RBM25: variants seen among roughly 807,000 people sequenced by gnomAD.
RBM25 encodes the protein RNA-binding protein 25.
Under a neutral mutation model 120.7 loss-of-function variants are expected in RBM25, and 19 were observed. That is an observed-to-expected ratio of 0.16 (90% CI 0.11 to 0.23). The LOEUF (loss-of-function observed/expected upper bound fraction) is 0.23, where lower values mean the gene tolerates loss of function less well. RBM25 is among the 10% of genes least tolerant of loss of function. RBM25 has a pLI of 1.00. For synonymous variants in RBM25, 390 were observed against 326.7 expected (o/e 1.19, Z -2.09); for missense variants, 605 against 1,041.5 (o/e 0.58, Z 5.77).
At chr14:73,109,272 T>C in intron 13 of RBM25, 70 bp from the exon 14 acceptor site, 1 of 1,498,026 alleles carries the variant, frequency 6.7e-7, no homozygotes, top group Non-Finnish European at 9.1e-7. Flanking sequence ...AGAGGTGCTG[T>C]TGGAGATGTC....
intron 4 of RBM25, among the ~76,000 whole-genome samples, chr14:73,080,006 GC>G (rs1671051471): frequency 1.3e-5 from 2 of 150,044 alleles, no homozygotes; most frequent in East Asian, 3.9e-4. Flanking sequence ...GCTCCTGTCT[GC>G]TTCTGGAAGT....
intron 4 of RBM25, among the ~76,000 whole-genome samples, chr14:73,081,886 T>G (rs556720593): frequency 3.1e-4 from 47 of 152,208 alleles, no homozygotes; most frequent in Admixed American, 1.2e-3. Flanking sequence ...TTTGACTGAT[T>G]GGAGGTTTTA....
chr14:73,116,838 T>C (rs965074253), intron 18 of RBM25, among the ~76,000 whole-genome samples: 1 of 152,204 alleles, frequency 6.6e-6, no homozygotes, highest in African/African-American at 2.4e-5. Context: ...GGCTCGTTGA[T>C]TAGAATGAGA....
intron 16 of RBM25, 77 bp downstream of exon 16, chr14:73,111,879 AAAC>A (rs1896316363): frequency 1.4e-6 from 2 of 1,457,068 alleles, no homozygotes; most frequent in African/African-American, 1.4e-5. Context: ...GAAGAAAAAA[AAAC>A]CTCATTTGAT....
At chr14:73,080,095 A>G (rs1895522233) in intron 4 of RBM25, among the ~76,000 whole-genome samples, 1 of 150,162 alleles carries the variant, frequency 6.7e-6, no homozygotes, top group South Asian at 2.1e-4. Context: ...AAATTCTCAT[A>G]GAAGTGCCGT....
intron 10 of RBM25, among the ~76,000 whole-genome samples, chr14:73,105,340 A>G (rs1896162247): frequency 6.6e-6 from 1 of 152,034 alleles, no homozygotes; most frequent in African/African-American, 2.4e-5. Context: ...TCTTAATTAA[A>G]TATTTGAGAA....
rs1288251681 is a variant in RBM25, at chr14:73,071,615, T to A, written c.-15-12T>A. On this transcript the variant is annotated splice_polypyrimidine_tract_variant and intron_variant, in intron 1 of 18. Coordinates refer to ENST00000261973, the MANE Select transcript of RBM25 (RefSeq NM_021239.3). ...TCAAATAAAATGATTTGTCATGTCCTTTTTTCTTTAGACTGCTGCAGTAAG... is the reference window on the plus strand; with the variant it reads ...TCAAATAAAATGATTTGTCATGTCCATTTTTCTTTAGACTGCTGCAGTAAG... 3.9e-6 allele frequency: 6 copies of A among 1,547,916 alleles called. No homozygotes were observed. Among genetic ancestry groups the A allele is most frequent in the Non-Finnish European group, 5.4e-6 (6 of 1,121,472 alleles).
intron 18 of RBM25, among the ~76,000 whole-genome samples, chr14:73,118,382 G>A (rs1896477432): frequency 6.6e-6 from 1 of 151,888 alleles, no homozygotes. Context: ...TGAGGCTGAT[G>A]TGGGAGTATC....
Position 73,119,707 on chromosome 14 carries a change from C to G in RBM25, c.2440-6C>G. ...TACATGTGTTGCTGTTTTGTTTCCTCTTTAGGTACTTGATGAAGAAGCAGA... is the reference window on the plus strand; with the variant it reads ...TACATGTGTTGCTGTTTTGTTTCCTGTTTAGGTACTTGATGAAGAAGCAGA... On this transcript the variant is annotated splice_region_variant and splice_polypyrimidine_tract_variant and intron_variant, in intron 18 of 18. Coordinates refer to ENST00000261973, the MANE Select transcript of RBM25 (RefSeq NM_021239.3). The G allele has an allele frequency of 1.2e-6, 2 of 1,611,450 alleles. No individual in the cohort carries two copies. The highest frequency in any genetic ancestry group is 1.7e-6 in the Non-Finnish European group (2 of 1,179,358).
At chr14:73,116,404 A>G (rs1381266188) in intron 18 of RBM25, among the ~76,000 whole-genome samples, 2 of 152,230 alleles carry the variant, frequency 1.3e-5, no homozygotes, top group Admixed American at 1.3e-4. Context: ...TTTATAGTCA[A>G]AAAGAAGGAT....
chr14:73,100,533 T>A (rs142048368), intron 9 of RBM25: 1 of 448,320 alleles, frequency 2.2e-6, no homozygotes, highest in Non-Finnish European at 4.0e-6. Flanking sequence ...TTCGCTGGTG[T>A]TGAAAATGAT....
intron 5 of RBM25, among the ~76,000 whole-genome samples, chr14:73,084,920 A>G (rs1169810768): frequency 3.3e-5 from 5 of 151,998 alleles, no homozygotes; most frequent in Non-Finnish European, 2.9e-5. Context: ...GTATTCTTCC[A>G]TCAGGGAACA....
intron 15 of RBM25, 96 bp from the exon 16 acceptor site, chr14:73,111,432 G>T: frequency 7.7e-7 from 1 of 1,292,782 alleles, no homozygotes. Context: ...TAAGATTTGT[G>T]GAAGTATATT....
rs1385012690 is a variant in RBM25 at position 73,122,344 on chromosome 14, C to G, written c.*2539C>G. On this transcript the variant is annotated 3_prime_UTR_variant, in exon 19 of 19. Coordinates refer to ENST00000261973, the MANE Select transcript of RBM25 (RefSeq NM_021239.3). ...AGGATGGAGTGCAATGGCGCGAGCT[C>G]AGCTCACTTCAACTTCCGCCTCCCG... The G allele has an allele frequency of 1.3e-5, 2 of 151,148 alleles. No homozygotes were observed. Among genetic ancestry groups the G allele is most frequent in the Non-Finnish European group, 2.9e-5 (2 of 67,912 alleles). 9.4% of individuals were successfully genotyped at this position (151,148 alleles called of 1,614,324 possible). A position where few individuals can be genotyped will look rare whatever the true frequency, so the allele number is the denominator to read the frequency against.
intron 17 of RBM25, among the ~76,000 whole-genome samples, chr14:73,113,783 G>C (rs1231330409): frequency 6.6e-6 from 1 of 152,158 alleles, no homozygotes; most frequent in Admixed American, 6.5e-5. Context: ...TATACATGAA[G>C]AAATTGAAGT....
chr14:73,104,393 A>G (rs1896135963), intron 10 of RBM25, among the ~76,000 whole-genome samples: 1 of 149,742 alleles, frequency 6.7e-6, no homozygotes, highest in African/African-American at 2.5e-5. Context: ...TTCTGAGACA[A>G]GTTTTTGCTC....
intron 4 of RBM25, among the ~76,000 whole-genome samples, chr14:73,082,332 C>A (rs1291251293): frequency 6.6e-6 from 1 of 152,102 alleles, no homozygotes; most frequent in Non-Finnish European, 1.5e-5. Context: ...CATTCTGTTG[C>A]TCAGACTGGA....
Position 73,099,719 on chromosome 14 carries a change from G to A in RBM25, c.836G>A (p.Arg279Gln). 1 of 1,609,388 alleles carries A rather than the reference G, an allele frequency of 6.2e-7. No homozygotes were observed. The highest frequency in any genetic ancestry group is 8.5e-7 in the Non-Finnish European group (1 of 1,178,920). Reference protein sequence around the residue: ...MEEDKRDLISREISKFRDTHK... With the variant: ...MEEDKRDLISQEISKFRDTHK... ...GAAGACAAAAGAGACCTGATATCTCGAGAGATCAGCAAATTCAGAGACACA... is the reference window on the plus strand; with the variant it reads ...GAAGACAAAAGAGACCTGATATCTCAAGAGATCAGCAAATTCAGAGACACA... The change falls in exon 9 of 19, where the codon CGA (arginine) becomes CAA (glutamine). Residue 279 changes from arginine to glutamine, a missense_variant. This residue lies in a region of RBM25 where 465 missense variants were observed against 741.6 expected (regional missense o/e 0.63). Coordinates refer to ENST00000261973, the MANE Select transcript of RBM25 (RefSeq NM_021239.3).
chr14:73,080,518 C>T (rs532542311), intron 4 of RBM25, among the ~76,000 whole-genome samples: 42 of 151,964 alleles, frequency 2.8e-4, no homozygotes, highest in Non-Finnish European at 4.9e-4. Flanking sequence ...CCACCGCGCC[C>T]GGCCCTCTTA....
Sources: gnomAD v4.1 joint callset for allele counts (sites outside exome capture counted in the v4.1 genomes callset) on GRCh38, gnomAD v4.1.1 for gene constraint, gnomAD v4.1.1 regional missense constraint, MANE v1.5 for transcripts, NCBI Gene and HGNC (gene_info 2026-07-23, HGNC 2026-07-21) for gene names.